The following RBFOX1 variants were observed in gnomAD, a reference collection of about 807,000 sequenced individuals.
The protein encoded by RBFOX1 is RNA binding protein fox-1 homolog 1.
In RBFOX1, 8 loss-of-function variants were observed where a neutral mutation model predicts 57.7. The ratio of observed to expected loss-of-function variants is 0.14; its 90% CI spans 0.08 to 0.25. The LOEUF is 0.25. Among genes scored for constraint, RBFOX1 ranks in the 10% least tolerant of loss-of-function variants. RBFOX1 has a pLI of 1.00. For missense variants in RBFOX1, 611 were observed against 548.5 expected (o/e 1.11, Z -1.14); for synonymous variants, 326 against 222.4 (o/e 1.47, Z -4.15).
intron 3 of RBFOX1, among the ~76,000 whole-genome samples, chr16:6,866,219 C>G (rs1003656157): frequency 6.6e-6 from 1 of 151,890 alleles, no homozygotes; most frequent in Non-Finnish European, 1.5e-5. Flanking sequence ...TCAGTGTCTT[C>G]TCATCATTTT....
intron 2 of RBFOX1, among the ~76,000 whole-genome samples, chr16:6,363,298 A>G (rs1262077683): frequency 1.3e-5 from 2 of 152,192 alleles, no homozygotes; most frequent in South Asian, 4.1e-4. Context: ...TTCCATCCCA[A>G]GGGATGGTTT....
intron 2 of RBFOX1, among the ~76,000 whole-genome samples, chr16:6,490,058 T>A (rs2095597302): frequency 6.6e-6 from 1 of 152,176 alleles, no homozygotes; most frequent in East Asian, 1.9e-4. Flanking sequence ...TGTGAGTACG[T>A]TGACTCCCAG....
chr16:6,467,091 A>G (rs2095066539), intron 2 of RBFOX1, among the ~76,000 whole-genome samples: 1 of 151,038 alleles, frequency 6.6e-6, no homozygotes, highest in Non-Finnish European at 1.5e-5. Flanking sequence ...CATTTAATGT[A>G]ATATAATAAA....
chr16:6,987,000 G>A (rs1227985189), intron 3 of RBFOX1, among the ~76,000 whole-genome samples: 1 of 152,056 alleles, frequency 6.6e-6, no homozygotes, highest in East Asian at 1.9e-4. Flanking sequence ...AGGGTTTGTT[G>A]GTTAGTCCAT....
At chr16:7,054,719 C>T (rs772555786) in intron 4 of RBFOX1, among the ~76,000 whole-genome samples, 4 of 152,138 alleles carry the variant, frequency 2.6e-5, no homozygotes, top group Non-Finnish European at 4.4e-5. Flanking sequence ...TGTCTGCAAG[C>T]CACAATAAAA....
At chr16:7,519,769 G>A in intron 5 of RBFOX1, 1 of 958,700 alleles carries the variant, frequency 1.0e-6, no homozygotes, top group East Asian at 1.2e-4. Flanking sequence ...AAGTATTTGT[G>A]AAGGAGTTTA....
At chr16:7,679,210 A>G (rs2074132009) in intron 14 of RBFOX1, among the ~76,000 whole-genome samples, 2 of 152,222 alleles carry the variant, frequency 1.3e-5, no homozygotes, top group South Asian at 4.1e-4. Flanking sequence ...TTGAGAAAGA[A>G]TACCTTTTTA....
chr16:6,541,672 A>G (rs1384185407), intron 2 of RBFOX1, among the ~76,000 whole-genome samples: 3 of 152,224 alleles, frequency 2.0e-5, no homozygotes, highest in Admixed American at 6.5e-5. Context: ...AGGAAGAGCA[A>G]GAATATCAAT....
intron 1 of RBFOX1, among the ~76,000 whole-genome samples, chr16:5,348,024 T>C (rs1414375910): frequency 4.3e-4 from 35 of 81,170 alleles, no homozygotes; most frequent in African/African-American, 6.7e-4. Flanking sequence ...TCCCCCCACC[T>C]ACCCACCCAT....
At chr16:7,466,143 C>G (rs1471431714) in intron 4 of RBFOX1, among the ~76,000 whole-genome samples, 1 of 152,180 alleles carries the variant, frequency 6.6e-6, no homozygotes, top group African/African-American at 2.4e-5. Flanking sequence ...TGAACACCAT[C>G]TGGGTCAGCA....
At chr16:5,285,865 G>A (rs1285208846) in intron 1 of RBFOX1, among the ~76,000 whole-genome samples, 2 of 152,068 alleles carry the variant, frequency 1.3e-5, no homozygotes, top group East Asian at 3.9e-4. Context: ...TCTGCCTCCC[G>A]GGTTCAAGCG....
rs553318134 is a variant in RBFOX1 at position 6,871,982 on chromosome 16, G to A, written c.-15-180075G>A. 9.6e-4 allele frequency among the ~76,000 whole-genome samples: 144 copies of A among 150,004 alleles called. 1 individual carries two copies. Among genetic ancestry groups the A allele is most frequent in the Non-Finnish European group, 1.6e-3 (106 of 67,560 alleles). ...GTGTGTTTCCCTCGGTAGAGTATGG[G>A]GATCTCTGAAACCCTTTGTATACTC... On this transcript the variant is annotated intron_variant, in intron 3 of 15. Coordinates refer to ENST00000550418, the MANE Select transcript of RBFOX1 (RefSeq NM_018723.4).
intron 3 of RBFOX1, among the ~76,000 whole-genome samples, chr16:5,614,059 C>T (rs552160519): frequency 2.0e-5 from 3 of 152,086 alleles, no homozygotes; most frequent in Admixed American, 2.0e-4. Flanking sequence ...AGAAGCCCAG[C>T]CTTTTTCTCG....
chr16:5,913,175 G>A (rs75449768), intron 4 of RBFOX1, among the ~76,000 whole-genome samples: 1 of 152,144 alleles, frequency 6.6e-6, no homozygotes, highest in African/African-American at 2.4e-5. Flanking sequence ...AGGTTGACCT[G>A]GCTTAATAGG....
intron 4 of RBFOX1, among the ~76,000 whole-genome samples, chr16:7,086,202 A>T (rs1300692063): frequency 1.3e-5 from 2 of 152,066 alleles, no homozygotes; most frequent in African/African-American, 4.8e-5. Flanking sequence ...AGTTTACCTA[A>T]TGCTTTTTAA....
intron 4 of RBFOX1, among the ~76,000 whole-genome samples, chr16:5,922,837 T>G (rs965017292): frequency 6.6e-6 from 1 of 152,152 alleles, no homozygotes; most frequent in African/African-American, 2.4e-5. Context: ...CAGAAGGAAG[T>G]GTAAAATATT....
At chr16:7,454,639 C>T (rs144272938) in intron 4 of RBFOX1, among the ~76,000 whole-genome samples, 177 of 152,310 alleles carry the variant, frequency 1.2e-3, no homozygotes, top group African/African-American at 4.1e-3. Flanking sequence ...AGACAAGACT[C>T]TATCTACAGG....
intron 4 of RBFOX1, among the ~76,000 whole-genome samples, chr16:5,894,486 G>C (rs763645875): frequency 1.3e-5 from 2 of 151,960 alleles, no homozygotes; most frequent in Non-Finnish European, 2.9e-5. Flanking sequence ...TGTTGGCCTG[G>C]CTGGTCTTGA....
At chr16:7,609,849 GCT>G (rs2057083192) in intron 10 of RBFOX1, among the ~76,000 whole-genome samples, 1 of 151,888 alleles carries the variant, frequency 6.6e-6, no homozygotes, top group Admixed American at 6.6e-5. Flanking sequence ...ATGGAGTTTT[GCT>G]CTGTCTCCCA....
Sources: allele counts gnomAD v4.1 joint callset (sites outside exome capture counted in the v4.1 genomes callset), GRCh38; gene constraint gnomAD v4.1.1; transcripts MANE v1.5; gene names NCBI Gene and HGNC (gene_info 2026-07-23, HGNC 2026-07-21).